UTP25: variants seen among roughly 807,000 people sequenced by gnomAD.
The protein encoded by UTP25 is UTP25 small subunit processome component, also known as U3 small nucleolar RNA-associated protein 25 homolog.
In UTP25, 50 loss-of-function variants were observed where a neutral mutation model predicts 78.9. That is an observed-to-expected ratio of 0.63 (90% CI 0.50 to 0.80). The LOEUF (loss-of-function observed/expected upper bound fraction) is 0.80. Ranked by LOEUF, UTP25 falls within the 30% of genes least tolerant of loss-of-function variation. The pLI, the probability that UTP25 is intolerant of heterozygous loss-of-function variation, is 0.00. For missense variants in UTP25, 846 were observed against 911.3 expected (o/e 0.93, Z 0.92); for synonymous variants, 329 against 336.5 (o/e 0.98, Z 0.24).
chr1:209,851,703 A>C lies in UTP25; in HGVS notation c.*256A>C. 3.1e-6 allele frequency: 1 copy of C among 325,020 alleles called. No homozygotes were observed. 20.1% of individuals were successfully genotyped at this position (325,020 alleles called of 1,614,324 possible). Reference sequence around the variant, plus strand: ...GACTCTGAGAAGTTGGTAGAAGAAAACTCCCACTTGTGAATATTTTTGTGA... The same window carrying C: ...GACTCTGAGAAGTTGGTAGAAGAAACCTCCCACTTGTGAATATTTTTGTGA... On this transcript the variant is annotated 3_prime_UTR_variant, in exon 12 of 12. Coordinates refer to ENST00000491415, the MANE Select transcript of UTP25 (RefSeq NM_014388.7).
At chr1:209,834,578 C>T (rs2078122273) in intron 4 of UTP25, among the ~76,000 whole-genome samples, 1 of 95,684 alleles carries the variant, frequency 1.0e-5, no homozygotes. Context: ...GAGTAGGAGA[C>T]TTGAGAAAGT....
chr1:209,844,711 T>TG (rs1457356454), intron 11 of UTP25: 1 of 151,890 alleles, frequency 6.6e-6, no homozygotes, highest in Admixed American at 6.6e-5. Flanking sequence ...TTTGGGATAG[T>TG]GGCGGCCCTT....
At chr1:209,832,836 A>G (rs1004272632) in intron 3 of UTP25, among the ~76,000 whole-genome samples, 1 of 152,226 alleles carries the variant, frequency 6.6e-6, no homozygotes, top group Admixed American at 6.5e-5. Flanking sequence ...GTGAGCCAAG[A>G]TGACACCACT....
At chr1:209,845,412 T>TAA (rs2078191946) in intron 11 of UTP25, among the ~76,000 whole-genome samples, 1 of 152,230 alleles carries the variant, frequency 6.6e-6, no homozygotes, top group African/African-American at 2.4e-5. Flanking sequence ...GCAAGCCCTT[T>TAA]AAGTGAAGTG....
At position 209,851,654 on chromosome 1, in the gene UTP25, C is replaced by T. The variant is rs1461865499; in HGVS notation, c.*207C>T. ...CCAGATTTTGGTAAATCCCATCTTT[C>T]AGAAGTGAAGAGGGGGCTAGAAGGA... is the stretch of plus-strand genomic sequence containing the variant. On this transcript the variant is annotated 3_prime_UTR_variant, in exon 12 of 12. Coordinates refer to ENST00000491415, the MANE Select transcript of UTP25 (RefSeq NM_014388.7). 2 of 532,170 alleles carry T rather than the reference C, an allele frequency of 3.8e-6. No individual in the cohort carries two copies. Among genetic ancestry groups the T allele is most frequent in the Non-Finnish European group, 3.0e-6 (1 of 332,796 alleles). The allele number at this position is 532,170 out of a possible 1,614,324, so 33.0% of individuals were successfully genotyped here.
At chr1:209,833,560 C>T (rs1043585258) in intron 4 of UTP25, among the ~76,000 whole-genome samples, 1 of 152,112 alleles carries the variant, frequency 6.6e-6, no homozygotes, top group Non-Finnish European at 1.5e-5. Flanking sequence ...GGAGAACAAA[C>T]AAGAATGATG....
In UTP25 at chr1:209,854,121, A is replaced by C. The variant is rs910465360; in HGVS notation, c.*2674A>C. The C allele has an allele frequency of 2.0e-5, 3 of 152,174 alleles. No homozygotes were observed. Among genetic ancestry groups the C allele is most frequent in the African/African-American group, 7.2e-5 (3 of 41,428 alleles). The allele number at this position is 152,174 out of a possible 1,614,324, so 9.4% of individuals were successfully genotyped here. ...ACTGAAATACGGATGCGTGAGCTGG[A>C]ATTACACACTACCTTGATGTTAACA... On this transcript the variant is annotated 3_prime_UTR_variant, in exon 12 of 12. Coordinates refer to ENST00000491415, the MANE Select transcript of UTP25 (RefSeq NM_014388.7).
intron 8 of UTP25, among the ~76,000 whole-genome samples, chr1:209,841,345 G>GGATGGGTGGATGGGATAGGTT (rs1410729764): frequency 2.6e-5 from 4 of 152,190 alleles, no homozygotes; most frequent in Non-Finnish European, 5.9e-5. Context: ...TAGGGTGGGT[G>GGATGGGTGGATGGGATAGGTT]GATGGGTGGA....
rs2078163411 is a variant in UTP25 at position 209,840,901 on chromosome 1, C to G, written c.1331C>G (p.Ser444Cys). ...ATCCGACTCTATGCCCCGTTTTACT[C>G]CTCGGATATCCTCATTGCTTCCCCC... The part of the protein sequence containing the change: ...RSIRLYAPFY[S>C]SDILIASPLG... Residue 444 changes from serine to cysteine, a missense_variant, in exon 8 of 12, where the codon TCC (serine) becomes TGC (cysteine). Coordinates refer to ENST00000491415, the MANE Select transcript of UTP25 (RefSeq NM_014388.7). 2.5e-6 allele frequency: 4 copies of G among 1,613,482 alleles called. No homozygotes were observed. In the African/African-American group the frequency reaches 5.3e-5, roughly 22 times the overall value.
At chr1:209,830,080 G>A in intron 1 of UTP25, 28 bp from the exon 2 acceptor site, 2 of 1,607,226 alleles carry the variant, frequency 1.2e-6, no homozygotes, top group East Asian at 2.2e-5. Context: ...CTAGTAGTTA[G>A]AATGTAACAT....
At chr1:209,832,138 GA>G (rs1224255551) in intron 3 of UTP25, among the ~76,000 whole-genome samples, 4 of 151,512 alleles carry the variant, frequency 2.6e-5, no homozygotes, top group Admixed American at 2.6e-4. Context: ...TTTTAAAAAT[GA>G]AAATTTTTTT....
chr1:209,830,404 T>C (rs1399023951), intron 2 of UTP25, among the ~76,000 whole-genome samples: 1 of 151,874 alleles, frequency 6.6e-6, no homozygotes, highest in Non-Finnish European at 1.5e-5. Context: ...AGAGGGCTCT[T>C]AGTGAATCCT....
At chr1:209,835,275 C>A in intron 5 of UTP25, 112 bp downstream of exon 5, 1 of 862,120 alleles carries the variant, frequency 1.2e-6, no homozygotes, top group Non-Finnish European at 1.8e-6. Flanking sequence ...CAGTAGATGG[C>A]TTGATAGGGA....
rs2102588645 is a variant in UTP25, at chr1:209,855,859, GTCTACCT to G, written c.*4414_*4420del. The G allele has an allele frequency of 6.6e-6, 1 of 152,434 alleles. No individual in the cohort carries two copies. The highest frequency in any genetic ancestry group is 1.9e-4 in the East Asian group (1 of 5,190). The allele number at this position is 152,434 out of a possible 1,614,324, so 9.4% of individuals were successfully genotyped here. ...TCCCAGCTGAGCCAAGGCCAAAGCTGTCTACCTTTTGCCAACCTAAGGAATGACACAG... is the reference window on the plus strand; with the variant it reads ...TCCCAGCTGAGCCAAGGCCAAAGCTGTTTGCCAACCTAAGGAATGACACAG... On this transcript the variant is annotated 3_prime_UTR_variant, in exon 12 of 12. Transcript: ENST00000491415.
In UTP25 at chr1:209,843,438, C is replaced by T; in HGVS notation, c.1782-13C>T. 2 of 1,612,934 alleles carry T rather than the reference C, an allele frequency of 1.2e-6. No individual in the cohort carries two copies. Among genetic ancestry groups the T allele is most frequent in the Non-Finnish European group, 1.7e-6 (2 of 1,179,248 alleles). ...TCTAGACATTAATTTTGCCCTTTGCCATTCCAAATCAGGTTTAACTTTTTT... is the reference window on the plus strand; with the variant it reads ...TCTAGACATTAATTTTGCCCTTTGCTATTCCAAATCAGGTTTAACTTTTTT... On this transcript the variant is annotated splice_polypyrimidine_tract_variant and intron_variant, in intron 10 of 11. Transcript: ENST00000491415.
chr1:209,837,249 G>A (rs1196250418), intron 6 of UTP25, 38 bp downstream of exon 6: 1 of 1,591,138 alleles, frequency 6.3e-7, no homozygotes, highest in Non-Finnish European at 8.6e-7. Flanking sequence ...CGAGGAGGTG[G>A]CTGCAAGGCA....
intron 11 of UTP25, among the ~76,000 whole-genome samples, chr1:209,849,993 C>CAA (rs887510675): frequency 6.6e-6 from 1 of 152,204 alleles, no homozygotes; most frequent in African/African-American, 2.4e-5. Context: ...TTGAAACTGA[C>CAA]AAATCCTTCA....
chr1:209,857,227 T>C lies in UTP25; in HGVS notation c.*5780T>C, dbSNP rs2078283892. The C allele has an allele frequency of 6.6e-6, 1 of 152,126 alleles. No individual in the cohort carries two copies. Among genetic ancestry groups the C allele is most frequent in the Non-Finnish European group, 1.5e-5 (1 of 68,020 alleles). 9.4% of individuals were successfully genotyped at this position (152,126 alleles called of 1,614,324 possible). A position where few individuals can be genotyped will look rare whatever the true frequency, so the allele number is the denominator to read the frequency against. ...TCCATCAGTCCTGTTTCTGAAGCTG[T>C]ACGGTACAAATTTTTTTTTTCCCCA... is the stretch of plus-strand genomic sequence containing the variant. On this transcript the variant is annotated 3_prime_UTR_variant, in exon 12 of 12. Coordinates refer to ENST00000491415, the MANE Select transcript of UTP25 (RefSeq NM_014388.7).
chr1:209,847,372 T>G (rs2102581289), intron 11 of UTP25, among the ~76,000 whole-genome samples: 1 of 152,348 alleles, frequency 6.6e-6, no homozygotes, highest in African/African-American at 2.4e-5. Context: ...CATACCCATC[T>G]TCTCTCTATC....
Sources: allele counts gnomAD v4.1 joint callset (sites outside exome capture counted in the v4.1 genomes callset), GRCh38; gene constraint gnomAD v4.1.1; transcripts MANE v1.5; gene names NCBI Gene and HGNC (gene_info 2026-07-23, HGNC 2026-07-21).